ATM: variants seen among roughly 807,000 people sequenced by gnomAD.
The protein encoded by ATM is ATM serine/threonine kinase.
A neutral mutation model predicts 387.0 loss-of-function variants in ATM; 308 were observed. That is an observed-to-expected ratio of 0.80 (90% CI 0.73 to 0.87). The LOEUF is 0.87. ATM is among the 40% of genes least tolerant of loss of function. The probability of loss-of-function intolerance (pLI) is 0.00; values close to 1 mark genes in which losing one functional copy is unlikely to be tolerated. For missense variants in ATM, 3,312 were observed against 3,560.9 expected, an observed-to-expected ratio of 0.93 and a Z score of 1.78; for synonymous variants, 1,156 against 1,187.3, an observed-to-expected ratio of 0.97 and a Z score of 0.54.
At chr11:108,277,240 C>G (rs935408725) in intron 22 of ATM, among the ~76,000 whole-genome samples, 1 of 152,112 alleles carries the variant, frequency 6.6e-6, no homozygotes, top group Admixed American at 6.5e-5. Flanking sequence ...TGTCCCAGGT[C>G]GACTTCAGAC....
intron 17 of ATM, among the ~76,000 whole-genome samples, chr11:108,267,845 G>A (rs909163254): frequency 6.6e-6 from 1 of 152,196 alleles, no homozygotes; most frequent in Non-Finnish European, 1.5e-5. Flanking sequence ...GCGACAGAGC[G>A]AGACTCCGTC....
chr11:108,287,993 G>A (rs1160592811), intron 27 of ATM, among the ~76,000 whole-genome samples: 1 of 151,752 alleles, frequency 6.6e-6, no homozygotes, highest in Non-Finnish European at 1.5e-5. Context: ...GCCATCTGTT[G>A]GCCCTTGAAA....
In ATM at chr11:108,343,294, G is replaced by C. The variant is rs1293051732; in HGVS notation, c.8341G>C (p.Val2781Leu). 6.2e-7 allele frequency: 1 copy of C among 1,613,882 alleles called. No homozygotes were observed. The highest frequency in any genetic ancestry group is 8.5e-7 in the Non-Finnish European group (1 of 1,179,922). The change falls in exon 57 of 63, where the codon GTT (valine) becomes CTT (leucine). Residue 2781 changes from valine (V) to leucine (L), a missense_variant. Around this residue, in one of 4 missense-constraint regions of ATM, gnomAD observed 1,405 missense variants for 1,604.4 expected, o/e 0.88. Transcript: ENST00000675843. ...AACTGTCCCCATTGGTGAATTTCTTGTTAACAATGAAGATGGTGCTCATAA... is the reference window on the plus strand; with the variant it reads ...AACTGTCCCCATTGGTGAATTTCTTCTTAACAATGAAGATGGTGCTCATAA... ...TGTVPIGEFL[V>L]NNEDGAHKRY...
chr11:108,315,973 G>T (rs750344356), intron 41 of ATM, 38 bp from the exon 42 acceptor site: 1 of 1,611,154 alleles, frequency 6.2e-7, no homozygotes, highest in Non-Finnish European at 8.5e-7. Context: ...TTATGTGTGT[G>T]TAAAACCCAA....
chr11:108,326,612 G>A lies in ATM; in HGVS notation c.6975+387G>A, dbSNP rs368729186. On this transcript the variant is annotated intron_variant, in intron 47 of 62. Transcript: ENST00000675843. ...AATAAAAGCAAGTTGGGACAATTAG[G>A]TTGTCAATCCAAATGCTTTGAAAAT... is the stretch of plus-strand genomic sequence containing the variant. Among the ~76,000 whole-genome samples the A allele has an allele frequency of 9.2e-5, 14 of 152,268 alleles. No homozygotes were observed. The East Asian group carries it at 2.1e-3, about 23-fold the overall frequency.
At chr11:108,256,135 T>C (rs2135390342) in intron 13 of ATM, 80 bp from the exon 14 acceptor site, 1 of 1,310,058 alleles carries the variant, frequency 7.6e-7, no homozygotes, top group African/African-American at 1.5e-5. Flanking sequence ...AATATGTATG[T>C]AGAATTTGTT....
At chr11:108,237,821 C>A (rs1162031218) in intron 5 of ATM, among the ~76,000 whole-genome samples, 1 of 146,248 alleles carries the variant, frequency 6.8e-6, no homozygotes, top group African/African-American at 2.5e-5. Context: ...ATCTGTTGCA[C>A]AATTTGAGAA....
At position 108,332,816 on chromosome 11, in the gene ATM, C is replaced by G. The variant is rs773159296; in HGVS notation, c.7843C>G (p.Gln2615Glu). ...IICTIRSRRPQMVRSVEALCD... is the reference protein window; with the variant it reads ...IICTIRSRRPEMVRSVEALCD... The stretch of plus-strand genomic sequence containing the variant: ...ATGTACTATCAGAAGTAGGAGACCT[C>G]AGATGGTCAGAAGTGTTGAGGCACT... The change falls in exon 53 of 63, where the codon CAG (glutamine) becomes GAG (glutamate). Residue 2615 changes from glutamine to glutamate, a missense_variant. This residue lies in a region of ATM where 1,405 missense variants were observed against 1,604.4 expected (regional missense o/e 0.88). Transcript: ENST00000675843. 6.2e-7 allele frequency: 1 copy of G among 1,613,416 alleles called. No individual in the cohort carries two copies. The highest frequency in any genetic ancestry group is 8.5e-7 in the Non-Finnish European group (1 of 1,179,728).
intron 8 of ATM, 114 bp downstream of exon 8, chr11:108,247,241 T>TGTAC: frequency 1.1e-6 from 1 of 939,538 alleles, no homozygotes; most frequent in Non-Finnish European, 1.7e-6. Flanking sequence ...AAAATGACTC[T>TGTAC]GTACATGCAA....
chr11:108,347,106 G>T (rs2088513970), intron 58 of ATM, among the ~76,000 whole-genome samples, 173 bp from the exon 59 acceptor site: 1 of 152,100 alleles, frequency 6.6e-6, no homozygotes, highest in Non-Finnish European at 1.5e-5. Context: ...AAAATAGCTG[G>T]CAAGATTTGA....
intron 48 of ATM, 93 bp downstream of exon 48, chr11:108,327,851 A>C: frequency 9.8e-7 from 1 of 1,018,486 alleles, no homozygotes; most frequent in Non-Finnish European, 1.5e-6. Flanking sequence ...AGCAAATAAA[A>C]GTATGGTTTT....
intron 42 of ATM, 38 bp from the exon 43 acceptor site, chr11:108,317,335 T>C (rs2084766143): frequency 3.8e-6 from 6 of 1,597,346 alleles, no homozygotes; most frequent in Middle Eastern, 3.3e-4. Context: ...TTGATATCTT[T>C]GATTACTTAA....
intron 56 of ATM, chr11:108,336,168 T>C (rs1591201100): frequency 6.2e-6 from 3 of 482,370 alleles, no homozygotes; most frequent in South Asian, 4.2e-5. Flanking sequence ...CCAGAGATGA[T>C]GGCATGTGCT....
chr11:108,295,019 A>G lies in ATM; in HGVS notation c.4869A>G (p.Leu1623=), dbSNP rs767084038. ...AGGATCTTCGAAGACAACTGGAACT[A>G]CATAAAGATCAGATGGTGGACATTA... ...GLKDLRRQLE[L]HKDQMVDIMR... Residue 1623 remains leucine (L), a synonymous_variant, in exon 32 of 63, where the codon CTA becomes CTG. Coordinates refer to ENST00000675843, the MANE Select transcript of ATM (RefSeq NM_000051.4). 1 of 1,613,978 alleles carries G rather than the reference A, an allele frequency of 6.2e-7. No homozygotes were observed. Among genetic ancestry groups the G allele is most frequent in the South Asian group, 1.1e-5 (1 of 91,086 alleles).
intron 57 of ATM, among the ~76,000 whole-genome samples, chr11:108,343,816 G>C (rs2087924082): frequency 6.6e-6 from 1 of 152,030 alleles, no homozygotes; most frequent in South Asian, 2.1e-4. Context: ...ACAACAACAA[G>C]ATTATGAAGT....
chr11:108,323,279 CA>C (rs1275336612), intron 45 of ATM, among the ~76,000 whole-genome samples: 49 of 152,084 alleles, frequency 3.2e-4, no homozygotes, highest in Admixed American at 3.2e-3. Flanking sequence ...AGTACATTGG[CA>C]GTACTTACTG....
intron 61 of ATM, chr11:108,356,056 C>A (rs530345908): frequency 6.6e-6 from 1 of 152,106 alleles, no homozygotes; most frequent in African/African-American, 2.4e-5. Flanking sequence ...TTTCTTTTAC[C>A]GATTTCAAAT....
intron 17 of ATM, among the ~76,000 whole-genome samples, chr11:108,268,102 A>G (rs969984144): frequency 3.9e-5 from 6 of 152,286 alleles, no homozygotes; most frequent in African/African-American, 9.6e-5. Flanking sequence ...TGTCATAAAT[A>G]CCATAATTTA....
Position 108,345,901 on chromosome 11 carries a change from T to C in ATM, c.8577T>C (p.Ser2859=). 1 of 1,613,686 alleles carries C rather than the reference T, an allele frequency of 6.2e-7. No homozygotes were observed. Among genetic ancestry groups the C allele is most frequent in the Non-Finnish European group, 8.5e-7 (1 of 1,179,720 alleles). The change falls in exon 58 of 63, where the codon TCT becomes TCC. Residue 2859 remains serine, a synonymous_variant. Transcript: ENST00000675843. ...RLAYTRSVAT[S]SIVGYILGLG... ...CTTATACGCGCAGTGTAGCTACTTC[T>C]TCTATTGGTAATCTTCTTGTACATA...
Sources: gnomAD v4.1 joint callset for allele counts (sites outside exome capture counted in the v4.1 genomes callset) on GRCh38, gnomAD v4.1.1 for gene constraint, gnomAD v4.1.1 regional missense constraint, MANE v1.5 for transcripts, NCBI Gene and HGNC (gene_info 2026-07-23, HGNC 2026-07-21) for gene names.